Variants in GMDS observed in about 807,000 individuals in gnomAD.
GMDS encodes GDP-mannose 4,6 dehydratase.
GMDS carries 20 observed loss-of-function variants against 49.9 expected under a neutral mutation model. The ratio of observed to expected loss-of-function variants is 0.40; its 90% CI spans 0.28 to 0.58. The LOEUF is 0.58. GMDS is among the 20% of genes least tolerant of loss of function. The probability of loss-of-function intolerance (pLI) is 0.42; values close to 1 mark genes in which losing one functional copy is unlikely to be tolerated. For synonymous variants in GMDS, 177 were observed against 178.6 expected, an observed-to-expected ratio of 0.99 and a Z score of 0.07; for missense variants, 362 against 481.4, an observed-to-expected ratio of 0.75 and a Z score of 2.32.
Position 1,778,569 on chromosome 6 carries a change from G to GAAA in GMDS, c.772-35986_772-35984dup, listed in dbSNP as rs771627658. On this transcript the variant is annotated intron_variant, in intron 7 of 10. Coordinates refer to ENST00000380815, the MANE Select transcript of GMDS (RefSeq NM_001500.4). This position sits in a 1 kb window ranked among gnomAD's most constrained non-coding sequence, Gnocchi z 4.6. The stretch of plus-strand genomic sequence containing the variant: ...AGTTTGTAAAACATGCCATAAAACA[G>GAAA]AAATTTAGCCCAATGTCTCGAACTG... 6.6e-6 allele frequency among the ~76,000 whole-genome samples: 1 copy of GAAA among 152,150 alleles called. No homozygotes were observed. Among genetic ancestry groups the GAAA allele is most frequent in the African/African-American group, 2.4e-5 (1 of 41,440 alleles).
intron 7 of GMDS, among the ~76,000 whole-genome samples, chr6:1,921,330 A>G (rs1761704838): frequency 6.6e-6 from 1 of 152,210 alleles, no homozygotes; most frequent in Non-Finnish European, 1.5e-5. Flanking sequence ...TGAAAACTCA[A>G]TTCATACTAG....
chr6:1,719,498 C>T (rs916805604), intron 9 of GMDS, among the ~76,000 whole-genome samples: 5 of 151,910 alleles, frequency 3.3e-5, no homozygotes, highest in African/African-American at 7.3e-5. Flanking sequence ...TGAGGCAGAA[C>T]GGGGTGAGAG....
chr6:1,823,141 TA>T (rs1770965276), intron 7 of GMDS, among the ~76,000 whole-genome samples: 1 of 152,212 alleles, frequency 6.6e-6, no homozygotes, highest in African/African-American at 2.4e-5. Flanking sequence ...AACTCATTTG[TA>T]AAATGAAACT....
chr6:1,878,813 G>T (rs1759226532), intron 7 of GMDS, among the ~76,000 whole-genome samples: 1 of 152,148 alleles, frequency 6.6e-6, no homozygotes, highest in Non-Finnish European at 1.5e-5. Flanking sequence ...CTCTAAAAGG[G>T]TGAAGATTTT....
intron 7 of GMDS, among the ~76,000 whole-genome samples, chr6:1,832,603 TGAA>T (rs1756713399): frequency 6.6e-6 from 1 of 151,944 alleles, no homozygotes; most frequent in African/African-American, 2.4e-5. Flanking sequence ...ATGTTCAGGA[TGAA>T]GAAGTGGAGA....
In GMDS at chr6:1,959,368, A is replaced by T. The variant is rs190134348; in HGVS notation, c.643+499T>A. Among the ~76,000 whole-genome samples the T allele has an allele frequency of 2.2e-3, 342 of 152,322 alleles. 3 individuals are homozygous for T. The highest frequency in any genetic ancestry group is 3.8e-3 in the Admixed American group (58 of 15,302). On this transcript the variant is annotated intron_variant, in intron 6 of 10. Coordinates refer to ENST00000380815, the MANE Select transcript of GMDS (RefSeq NM_001500.4). ...CAATTTTTTAAAATCTTGTTAAAAA[A>T]CTGATTTCAACTTTATTTTAAAATA... is the stretch of plus-strand genomic sequence containing the variant.
rs576766116 is a variant in GMDS at position 1,992,713 on chromosome 6, C to A, written c.346-31747G>T. On this transcript the variant is annotated intron_variant, in intron 4 of 10. Coordinates refer to ENST00000380815, the MANE Select transcript of GMDS (RefSeq NM_001500.4). ...TCTAAAAGAATATATAACTTGCTGGCCTGTTGGCTTATTTACTCAGTATTA... is the reference window on the plus strand; with the variant it reads ...TCTAAAAGAATATATAACTTGCTGGACTGTTGGCTTATTTACTCAGTATTA... Among the ~76,000 whole-genome samples, 8 of 152,308 alleles carry A rather than the reference C, an allele frequency of 5.3e-5. No homozygotes were observed. In the South Asian group the frequency reaches 1.7e-3, roughly 32 times the overall value.
At chr6:2,192,750 C>A (rs929001219) in intron 1 of GMDS, among the ~76,000 whole-genome samples, 2 of 152,216 alleles carry the variant, frequency 1.3e-5, no homozygotes, top group Non-Finnish European at 2.9e-5. Context: ...AGTAGCCCAA[C>A]CCCGCACTCA....
At chr6:2,018,718 A>C (rs906181727) in intron 4 of GMDS, among the ~76,000 whole-genome samples, 1 of 152,214 alleles carries the variant, frequency 6.6e-6, no homozygotes, top group Non-Finnish European at 1.5e-5. Context: ...GATAAATTAC[A>C]TTCCATTTAT....
intron 4 of GMDS, among the ~76,000 whole-genome samples, chr6:2,046,991 T>C (rs529946653): frequency 6.6e-6 from 1 of 152,202 alleles, no homozygotes; most frequent in Non-Finnish European, 1.5e-5. Flanking sequence ...TCTACTCATG[T>C]ATACTCATGA....
At chr6:1,959,437 T>C (rs572805359) in intron 6 of GMDS, among the ~76,000 whole-genome samples, 103 of 152,328 alleles carry the variant, frequency 6.8e-4, no homozygotes, top group Non-Finnish European at 1.1e-3. Context: ...TAATGAAATG[T>C]AAAGAAAGAA....
intron 9 of GMDS, among the ~76,000 whole-genome samples, chr6:1,714,189 T>C (rs1044307915): frequency 6.6e-6 from 1 of 152,122 alleles, no homozygotes; most frequent in Admixed American, 6.5e-5. Flanking sequence ...AGCTAATTTT[T>C]TTGTATTTTT....
In GMDS at chr6:1,856,751, G is replaced by A. The variant is rs565022720; in HGVS notation, c.771+73352C>T. Among the ~76,000 whole-genome samples the A allele has an allele frequency of 3.3e-5, 5 of 152,316 alleles. No homozygotes were observed. The South Asian group carries it at 6.2e-4, about 19-fold the overall frequency. ...TTTGGTGTGGAACTCTTTAGGCTGC[G>A]TAGTTTTGATATTCCATCCTAGACA... On this transcript the variant is annotated intron_variant, in intron 7 of 10. Transcript: ENST00000380815.
At chr6:1,772,003 T>C (rs1453272363) in intron 7 of GMDS, among the ~76,000 whole-genome samples, 2 of 152,038 alleles carry the variant, frequency 1.3e-5, no homozygotes, top group Admixed American at 6.5e-5. Context: ...CCAACAGCAA[T>C]AGAAAGAACA....
intron 4 of GMDS, among the ~76,000 whole-genome samples, chr6:1,986,516 T>C (rs935088807): frequency 1.3e-5 from 2 of 152,202 alleles, no homozygotes; most frequent in African/African-American, 2.4e-5. Flanking sequence ...CCTAAGAAAG[T>C]TGTCTTAAGT....
chr6:2,070,217 A>G (rs1581606762), intron 4 of GMDS, among the ~76,000 whole-genome samples: 1 of 145,430 alleles, frequency 6.9e-6, no homozygotes, highest in Admixed American at 7.1e-5. Flanking sequence ...CAATTGAACA[A>G]TGAGAACACA....
intron 4 of GMDS, among the ~76,000 whole-genome samples, chr6:2,054,838 C>A (rs1770689225): frequency 6.6e-6 from 1 of 151,880 alleles, no homozygotes; most frequent in Admixed American, 6.6e-5. Context: ...CCACATGATC[C>A]ATTTTCAGAA....
chr6:2,214,621 T>G (rs1030411517), intron 1 of GMDS, among the ~76,000 whole-genome samples: 1 of 152,204 alleles, frequency 6.6e-6, no homozygotes, highest in African/African-American at 2.4e-5. Context: ...GGTCCTGGAA[T>G]CTATCCTTCA....
chr6:1,835,157 G>A (rs552941434), intron 7 of GMDS, among the ~76,000 whole-genome samples: 21 of 152,290 alleles, frequency 1.4e-4, no homozygotes, highest in Admixed American at 2.6e-4. Flanking sequence ...TCTGTGTTGC[G>A]TAAGGGGGGG....
Sources: gnomAD v4.1 joint callset for allele counts (sites outside exome capture counted in the v4.1 genomes callset) on GRCh38, gnomAD v4.1.1 for gene constraint, Gnocchi (gnomAD v3.1) non-coding constraint, MANE v1.5 for transcripts, NCBI Gene and HGNC (gene_info 2026-07-23, HGNC 2026-07-21) for gene names.